Variants in SPACA9 observed in about 807,000 individuals in gnomAD.
SPACA9 encodes the protein sperm acrosome associated 9, also known as sperm acrosome-associated protein 9.
In SPACA9, 14 loss-of-function variants were observed where a neutral mutation model predicts 12.5. The observed-to-expected ratio is 1.12, with a 90% CI of 0.74 to 1.75. The LOEUF is 1.75. SPACA9 is among the 40% of genes most tolerant of loss of function. The probability of loss-of-function intolerance (pLI) is 0.00; values close to 1 mark genes in which losing one functional copy is unlikely to be tolerated. For missense variants in SPACA9, 292 were observed against 291.9 expected (o/e 1.00, Z 0.00); for synonymous variants, 111 against 114.1 (o/e 0.97, Z 0.17).
chr9:132,885,917 C>G (rs539619461), intron 2 of SPACA9, among the ~76,000 whole-genome samples: 25 of 152,302 alleles, frequency 1.6e-4, no homozygotes, highest in Admixed American at 5.9e-4. Flanking sequence ...CACCGCCCCC[C>G]ACCCCCGCAA....
intron 1 of SPACA9, among the ~76,000 whole-genome samples, chr9:132,882,403 T>G (rs946975175): frequency 6.6e-6 from 1 of 151,806 alleles, no homozygotes. Context: ...TGTGTTTCCT[T>G]TCATTCCTCT....
chr9:132,884,185 C>T lies in SPACA9; in HGVS notation c.144+94C>T, dbSNP rs1322789873. ...CACTGGGGCCCAGAGAGGGGAAGGA[C>T]GTTTGCGCCAGAATTAGGACCCGGA... On this transcript the variant is annotated intron_variant, in intron 2 of 3. Coordinates refer to ENST00000356311, the MANE Select transcript of SPACA9 (RefSeq NM_001316897.2). 7.2e-6 allele frequency: 10 copies of T among 1,390,346 alleles called. No homozygotes were observed. The South Asian group carries it at 7.8e-5, about 11-fold the overall frequency. 86.1% of individuals were successfully genotyped at this position (1,390,346 alleles called of 1,614,324 possible).
rs1270333004 is a variant in SPACA9, at chr9:132,889,470, G to A, written c.*859G>A. On this transcript the variant is annotated 3_prime_UTR_variant, in exon 4 of 4. Transcript: ENST00000356311. The stretch of plus-strand genomic sequence containing the variant: ...CTCCCAGGCTGGAGTGCAGTGGCAC[G>A]ATCTTGGCTCACTGCAACCTCCACC... 1.4e-5 allele frequency: 13 copies of A among 937,420 alleles called. No individual in the cohort carries two copies. The African/African-American group carries it at 1.4e-4, about 10-fold the overall frequency. The allele number at this position is 937,420 out of a possible 1,614,324, so 58.1% of individuals were successfully genotyped here. A position where few individuals can be genotyped will look rare whatever the true frequency, so the allele number is the denominator to read the frequency against.
intron 1 of SPACA9, among the ~76,000 whole-genome samples, chr9:132,880,078 C>G (rs1284744242): frequency 2.6e-5 from 4 of 152,218 alleles, no homozygotes; most frequent in African/African-American, 9.7e-5. Flanking sequence ...AAGAACACAA[C>G]AGCCATGCCT....
At chr9:132,882,335 C>T (rs1475374639) in intron 1 of SPACA9, among the ~76,000 whole-genome samples, 4 of 152,214 alleles carry the variant, frequency 2.6e-5, no homozygotes, top group Non-Finnish European at 5.9e-5. Flanking sequence ...CAGCCTCCTC[C>T]AAGTGCTCTG....
At position 132,888,781 on chromosome 9, in the gene SPACA9, T is replaced by C; in HGVS notation, c.*170T>C. The C allele has an allele frequency of 1.4e-6, 2 of 1,397,378 alleles. No individual in the cohort carries two copies. The highest frequency in any genetic ancestry group is 1.9e-6 in the Non-Finnish European group (2 of 1,079,028). 86.6% of individuals were successfully genotyped at this position (1,397,378 alleles called of 1,614,324 possible). A position where few individuals can be genotyped will look rare whatever the true frequency, so the allele number is the denominator to read the frequency against. On this transcript the variant is annotated 3_prime_UTR_variant, in exon 4 of 4. Coordinates refer to ENST00000356311, the MANE Select transcript of SPACA9 (RefSeq NM_001316897.2). This position sits in a 1 kb window ranked among gnomAD's most constrained non-coding sequence, Gnocchi z 5.0. ...TCTCTTCTTGCTTTAACTTCTTTTT[T>C]TTTTGAGACGGAGTCTCGCTCTGTC...
At position 132,887,595 on chromosome 9, in the gene SPACA9, T is replaced by C; in HGVS notation, c.347+24T>C. On this transcript the variant is annotated intron_variant, in intron 3 of 3. Transcript: ENST00000356311. This position sits in a 1 kb window ranked among gnomAD's most constrained non-coding sequence, Gnocchi z 5.4. The stretch of plus-strand genomic sequence containing the variant: ...AAGTAAGTCCCTCTGATGCTGCTCT[T>C]GAGGCCCCGTGTGTGCCTGTGGGGA... The C allele has an allele frequency of 6.3e-7, 1 of 1,597,822 alleles. No individual in the cohort carries two copies. The highest frequency in any genetic ancestry group is 8.6e-7 in the Non-Finnish European group (1 of 1,166,020).
rs757096654 is a variant in SPACA9, at chr9:132,888,396, A to T, written c.454A>T (p.Ile152Phe). ...CATCCTAGACTTAATGAAAGAATGG[A>T]TCGCCCACTCCGAGAAGTTGCCGCG... is the stretch of plus-strand genomic sequence containing the variant. ...PLILDLMKEW[I>F]AHSEKLPRKV... The change falls in exon 4 of 4, where the codon ATC (isoleucine) becomes TTC (phenylalanine). Residue 152 changes from isoleucine to phenylalanine, a missense_variant. By Grantham distance (21) the Ile-to-Phe change is conservative. Coordinates refer to ENST00000356311, the MANE Select transcript of SPACA9 (RefSeq NM_001316897.2). This position sits in a 1 kb window ranked among gnomAD's most constrained non-coding sequence, Gnocchi z 5.0. 5.6e-6 allele frequency: 9 copies of T among 1,613,996 alleles called. No individual in the cohort carries two copies.
At chr9:132,884,406 C>T (rs142928305) in intron 2 of SPACA9, among the ~76,000 whole-genome samples, 45 of 152,284 alleles carry the variant, frequency 3.0e-4, no homozygotes, top group African/African-American at 9.9e-4. Context: ...TCATCTGTGA[C>T]GCAGGTTCAG....
At chr9:132,884,259 A>G (rs1351456630) in intron 2 of SPACA9, among the ~76,000 whole-genome samples, 168 bp downstream of exon 2, 1 of 152,224 alleles carries the variant, frequency 6.6e-6, no homozygotes, top group Non-Finnish European at 1.5e-5. Flanking sequence ...TCTCTACCAA[A>G]TATGTAAGTG....
rs112734914 is a variant in SPACA9, at chr9:132,887,915, G to A, written c.347+344G>A. 6.6e-6 allele frequency among the ~76,000 whole-genome samples: 1 copy of A among 152,084 alleles called. No individual in the cohort carries two copies. Among genetic ancestry groups the A allele is most frequent in the African/African-American group, 2.4e-5 (1 of 41,400 alleles). ...CCGCCTCCCAGGGGCAGCAGCACTG[G>A]CACTGAGGGCTCCTCATCCTGACAG... On this transcript the variant is annotated intron_variant, in intron 3 of 3. Coordinates refer to ENST00000356311, the MANE Select transcript of SPACA9 (RefSeq NM_001316897.2). The surrounding 1 kb of genome is among the most constrained non-coding windows in gnomAD (Gnocchi z 5.4).
In SPACA9 at chr9:132,889,616, C is replaced by T. The variant is rs113887657; in HGVS notation, c.*1005C>T. 4.3e-6 allele frequency: 2 copies of T among 470,172 alleles called. No individual in the cohort carries two copies. The highest frequency in any genetic ancestry group is 4.2e-5 in the African/African-American group (2 of 47,120). 29.1% of individuals were successfully genotyped at this position (470,172 alleles called of 1,614,324 possible). A position where few individuals can be genotyped will look rare whatever the true frequency, so the allele number is the denominator to read the frequency against. ...TTTTAGTAGAGACGGGGCTTCACCACGTTGGCCAGGCTGGTCTTGAACTCC... is the reference window on the plus strand; with the variant it reads ...TTTTAGTAGAGACGGGGCTTCACCATGTTGGCCAGGCTGGTCTTGAACTCC... On this transcript the variant is annotated 3_prime_UTR_variant, in exon 4 of 4. Transcript: ENST00000356311.
chr9:132,878,799 G>C, upstream of SPACA9: 1 of 984,470 alleles, frequency 1.0e-6, no homozygotes, highest in Non-Finnish European at 1.2e-6. This position sits in a 1 kb window ranked among gnomAD's most constrained non-coding sequence, Gnocchi z 4.7. Flanking sequence ...CCAGCTCCCC[G>C]GCTCTGGCCA....
Position 132,887,194 on chromosome 9 carries a change from G to C in SPACA9, c.145-175G>C, listed in dbSNP as rs1388309962. 6.6e-6 allele frequency among the ~76,000 whole-genome samples: 1 copy of C among 151,448 alleles called. No homozygotes were observed. The highest frequency in any genetic ancestry group is 2.1e-4 in the South Asian group (1 of 4,786). ...CCATCCATCCATCTATAGAGAGAGA[G>C]ATACCACTATATAGAGTGGTCTGTA... On this transcript the variant is annotated intron_variant, in intron 2 of 3. Transcript: ENST00000356311. This position sits in a 1 kb window ranked among gnomAD's most constrained non-coding sequence, Gnocchi z 5.4.
chr9:132,879,778 C>T (rs1486568232), intron 1 of SPACA9, among the ~76,000 whole-genome samples: 1 of 152,234 alleles, frequency 6.6e-6, no homozygotes, highest in Admixed American at 6.5e-5. Flanking sequence ...CTAATCCAAA[C>T]TCTCTCATTT....
Position 132,887,136 on chromosome 9 carries a change from T to G in SPACA9, c.145-233T>G, listed in dbSNP as rs1282236909. On this transcript the variant is annotated intron_variant, in intron 2 of 3. Transcript: ENST00000356311. The surrounding 1 kb of genome is among the most constrained non-coding windows in gnomAD (Gnocchi z 5.4). ...ACCGATCCATTAATTTCATATCATA[T>G]CTATCCATCCATCCATCCATCCATC... 6.6e-6 allele frequency among the ~76,000 whole-genome samples: 1 copy of G among 151,638 alleles called. No individual in the cohort carries two copies. The highest frequency in any genetic ancestry group is 2.4e-5 in the African/African-American group (1 of 41,132).
In SPACA9 at chr9:132,888,849, C is replaced by T; in HGVS notation, c.*238C>T. The T allele has an allele frequency of 2.2e-6, 2 of 916,116 alleles. No homozygotes were observed. The highest frequency in any genetic ancestry group is 2.4e-5 in the South Asian group (1 of 42,286). The allele number at this position is 916,116 out of a possible 1,614,324, so 56.7% of individuals were successfully genotyped here. On this transcript the variant is annotated 3_prime_UTR_variant, in exon 4 of 4. Transcript: ENST00000356311. This position sits in a 1 kb window ranked among gnomAD's most constrained non-coding sequence, Gnocchi z 5.0. ...GTGGCGCAACCTCGGCTCACTGCAA[C>T]CTCCGCCTCCCAGGTTCACGCCATT...
In SPACA9 at chr9:132,888,431, G is replaced by A. The variant is rs1339822345; in HGVS notation, c.489G>A (p.Leu163=). 3.1e-6 allele frequency: 5 copies of A among 1,613,794 alleles called. No individual in the cohort carries two copies. The highest frequency in any genetic ancestry group is 3.4e-6 in the Non-Finnish European group (4 of 1,179,976). The change falls in exon 4 of 4, where the codon CTG becomes CTA. Residue 163 remains leucine (L), a synonymous_variant. Transcript: ENST00000356311. The surrounding 1 kb of genome is among the most constrained non-coding windows in gnomAD (Gnocchi z 5.0). ...AHSEKLPRKV[L]QHVSEPQAHQ... is the part of the protein sequence containing the mutation. ...CCGAGAAGTTGCCGCGCAAGGTGCT[G>A]CAGCACGTGAGTGAGCCCCAGGCGC...
chr9:132,880,886 C>G (rs1253164289), intron 1 of SPACA9, among the ~76,000 whole-genome samples: 1 of 150,418 alleles, frequency 6.6e-6, no homozygotes, highest in Admixed American at 6.6e-5. Flanking sequence ...GCAGTGGCGC[C>G]ATCTCGGCTC....
Sources: gnomAD v4.1 joint callset for allele counts (sites outside exome capture counted in the v4.1 genomes callset) on GRCh38, gnomAD v4.1.1 for gene constraint, Gnocchi (gnomAD v3.1) non-coding constraint, MANE v1.5 for transcripts, NCBI Gene and HGNC (gene_info 2026-07-23, HGNC 2026-07-21) for gene names.